The following ST14 variants were observed in gnomAD, a reference collection of about 807,000 sequenced individuals.
ST14 encodes the protein suppressor of tumorigenicity 14 protein.
In ST14, 40 loss-of-function variants were observed where a neutral mutation model predicts 96.5. That is an observed-to-expected ratio of 0.41 (90% CI 0.32 to 0.54). The LOEUF (loss-of-function observed/expected upper bound fraction) is 0.54. Ranked by LOEUF, ST14 falls within the 20% of genes least tolerant of loss-of-function variation. The probability of loss-of-function intolerance (pLI) is 0.17; values close to 1 mark genes in which losing one functional copy is unlikely to be tolerated. For synonymous variants in ST14, 506 were observed against 492.1 expected (o/e 1.03, Z -0.37); for missense variants, 1,066 against 1,188.9 (o/e 0.90, Z 1.52).
chr11:130,198,819 G>A (rs1953397323), intron 14 of ST14, 128 bp from the exon 15 acceptor site: 2 of 1,583,934 alleles, frequency 1.3e-6, no homozygotes, highest in Admixed American at 3.4e-5. Flanking sequence ...AGGCCAGTGG[G>A]CGTGGGTGGG....
chr11:130,201,746 G>C (rs1438712855), intron 16 of ST14, among the ~76,000 whole-genome samples: 1 of 152,228 alleles, frequency 6.6e-6, no homozygotes, highest in Non-Finnish European at 1.5e-5. Context: ...TGCCCAGCTA[G>C]TTTAAAATTT....
In ST14 at chr11:130,159,922, G is replaced by A; in HGVS notation, c.-58G>A. 8.9e-7 allele frequency: 1 copy of A among 1,123,572 alleles called. No homozygotes were observed. Among genetic ancestry groups the A allele is most frequent in the African/African-American group, 1.6e-5 (1 of 61,280 alleles). The allele number at this position is 1,123,572 out of a possible 1,614,324, so 69.6% of individuals were successfully genotyped here. A position where few individuals can be genotyped will look rare whatever the true frequency, so the allele number is the denominator to read the frequency against. On this transcript the variant is annotated 5_prime_UTR_variant, in exon 1 of 19. The change abolishes an upstream ATG in the 5' untranslated region. Coordinates refer to ENST00000278742, the MANE Select transcript of ST14 (RefSeq NM_021978.4). ...CCGCGCCCCGCGCCCTGCGGGCCAT[G>A]GGAGCCGGCCGCCGGCAGGGACGAC...
intron 1 of ST14, among the ~76,000 whole-genome samples, chr11:130,170,528 G>A (rs1276755900): frequency 2.6e-5 from 4 of 152,174 alleles, no homozygotes. Context: ...AGAAAGTACG[G>A]TGGCTTGTTG....
At chr11:130,163,197 C>A (rs1346870435) in intron 1 of ST14, among the ~76,000 whole-genome samples, 1 of 152,122 alleles carries the variant, frequency 6.6e-6, no homozygotes, top group African/African-American at 2.4e-5. Context: ...CACAGAGGAG[C>A]CATCCTGCCC....
chr11:130,167,304 T>G (rs536009220), intron 1 of ST14, among the ~76,000 whole-genome samples: 133 of 152,336 alleles, frequency 8.7e-4, no homozygotes, highest in African/African-American at 3.2e-3. Context: ...TAAAAAAATT[T>G]TTTTCCTCAT....
rs1406388667 is a variant in ST14, at chr11:130,191,670, ACAGAGC to A, written c.875+977_875+982del. ...GTACCACTACACTCCAGCCTGGGCA[ACAGAGC>A]GAGACTCTGTCTCAAAAAAAAAAAA... is the stretch of plus-strand genomic sequence containing the variant. On this transcript the variant is annotated intron_variant, in intron 7 of 18. Transcript: ENST00000278742. Among the ~76,000 whole-genome samples the A allele has an allele frequency of 5.2e-3, 751 of 143,832 alleles. 10 individuals carry two copies. Among genetic ancestry groups the A allele is most frequent in the African/African-American group, 0.018 (683 of 38,554 alleles). 94.4% of individuals were successfully genotyped at this position (143,832 alleles called of 152,430 possible).
intron 1 of ST14, among the ~76,000 whole-genome samples, chr11:130,184,489 C>T (rs970327531): frequency 6.6e-6 from 1 of 152,220 alleles, no homozygotes; most frequent in Non-Finnish European, 1.5e-5. Context: ...TCTCACCATT[C>T]ACTGAGCCCT....
Position 130,188,913 on chromosome 11 carries a change from C to T in ST14, c.414C>T (p.His138=). Residue 138 remains histidine, a synonymous_variant, in exon 4 of 19, where the codon CAC becomes CAT. Transcript: ENST00000278742. The surrounding 1 kb of genome is among the most constrained non-coding windows in gnomAD (Gnocchi z 5.4). The part of the protein sequence containing the change: ...YSGVPFLGPY[H]KESAVTAFSE... ...GAGTCCCATTCCTGGGCCCCTACCACAAGGAGTCGGCTGTGACGGCCTTCA... is the reference window on the plus strand; with the variant it reads ...GAGTCCCATTCCTGGGCCCCTACCATAAGGAGTCGGCTGTGACGGCCTTCA... 1.2e-6 allele frequency: 2 copies of T among 1,612,274 alleles called. No homozygotes were observed. The highest frequency in any genetic ancestry group is 1.7e-6 in the Non-Finnish European group (2 of 1,179,428).
rs145182887 is a variant in ST14 at position 130,197,919 on chromosome 11, C to T, written c.1433C>T (p.Thr478Ile). 76 of 1,593,532 alleles carry T rather than the reference C, an allele frequency of 4.8e-5. 1 individual carries two copies. In the African/African-American group the frequency reaches 7.5e-4, roughly 16 times the overall value. The change falls in exon 12 of 19, where the codon ACC (threonine) becomes ATC (isoleucine). Residue 478 changes from threonine (T) to isoleucine (I), a missense_variant. By Grantham distance (89) the Thr-to-Ile change is moderately conservative (BLOSUM62 -1). Coordinates refer to ENST00000278742, the MANE Select transcript of ST14 (RefSeq NM_021978.4). ...ELRCDGWADC[T>I]DHSDELNCSC... ...CGCTGTGATGGCTGGGCCGACTGCA[C>T]CGACCACAGCGATGAGCTCAACTGC... is the stretch of plus-strand genomic sequence containing the variant.
intron 1 of ST14, among the ~76,000 whole-genome samples, chr11:130,179,838 G>A (rs1953174153): frequency 6.6e-6 from 1 of 152,178 alleles, no homozygotes; most frequent in Non-Finnish European, 1.5e-5. Flanking sequence ...GGGAAATCTG[G>A]CCAGGATCCA....
At chr11:130,192,799 T>G (rs1953317595) in intron 7 of ST14, among the ~76,000 whole-genome samples, 1 of 152,198 alleles carries the variant, frequency 6.6e-6, no homozygotes, top group African/African-American at 2.4e-5. Context: ...TGAAGTATAT[T>G]ATGATGGTCT....
intron 16 of ST14, among the ~76,000 whole-genome samples, chr11:130,205,698 C>CTT (rs1565629180): frequency 8.3e-5 from 10 of 120,826 alleles, no homozygotes; most frequent in African/African-American, 2.7e-4. Context: ...CTTCTTTAGA[C>CTT]GTTTTTTTTT....
chr11:130,190,696 T>A lies in ST14; in HGVS notation c.875+2T>A, dbSNP rs755380164. ...CATGGAGCCCCACGCCCTGGTGCAG[T>A]GAGTACCCCGGGGGGCGGGTAGGGC... On this transcript the variant is annotated splice_donor_variant, in intron 7 of 18. Coordinates refer to ENST00000278742, the MANE Select transcript of ST14 (RefSeq NM_021978.4). LOFTEE classifies it high-confidence loss of function. 6.3e-7 allele frequency: 1 copy of A among 1,577,180 alleles called. No homozygotes were observed. The highest frequency in any genetic ancestry group is 1.8e-5 in the Admixed American group (1 of 54,738).
rs779340514 is a variant in ST14 at position 130,198,618 on chromosome 11, A to G, written c.1681A>G (p.Lys561Glu). The G allele has an allele frequency of 6.2e-7, 1 of 1,612,814 alleles. No individual in the cohort carries two copies. The highest frequency in any genetic ancestry group is 8.5e-7 in the Non-Finnish European group (1 of 1,179,258). ...CGGGTCCGACGAGGCCTCCTGCCCC[A>G]AGGGTGAGGCCCGCCCCACCCATCT... ...GDGSDEASCPKVNVVTCTKHT... is the reference protein window; with the variant it reads ...GDGSDEASCPEVNVVTCTKHT... Residue 561 changes from lysine (K) to glutamate (E), a missense_variant, in exon 14 of 19, where the codon AAG becomes GAG. Transcript: ENST00000278742.
chr11:130,201,450 G>A (rs59506387), intron 16 of ST14, among the ~76,000 whole-genome samples: 4,844 of 152,348 alleles, frequency 0.032, 257 homozygotes, highest in African/African-American at 0.11. Context: ...CAGGAGGGAG[G>A]CCTGAGGCAC....
chr11:130,186,087 C>T (rs1398805721), intron 1 of ST14, among the ~76,000 whole-genome samples: 7 of 152,094 alleles, frequency 4.6e-5, no homozygotes, highest in African/African-American at 7.2e-5. Flanking sequence ...GGATTATAGG[C>T]GTGAGCCACT....
At chr11:130,180,053 T>G (rs902949027) in intron 1 of ST14, among the ~76,000 whole-genome samples, 21 of 152,322 alleles carry the variant, frequency 1.4e-4, no homozygotes, top group African/African-American at 4.8e-4. Context: ...GTGGGGGTGA[T>G]GACATCATGG....
chr11:130,169,518 C>T (rs73585179), intron 1 of ST14, among the ~76,000 whole-genome samples: 6,837 of 152,172 alleles, frequency 0.045, 481 homozygotes, highest in African/African-American at 0.15. Flanking sequence ...TGGGCATCCT[C>T]GTGTTGGAGC....
chr11:130,169,092 G>GTTTTTT (rs59747710), intron 1 of ST14, among the ~76,000 whole-genome samples: 6 of 112,320 alleles, frequency 5.3e-5, no homozygotes, highest in African/African-American at 8.4e-5. Flanking sequence ...AATATAATGG[G>GTTTTTT]TTTTTTTTTT....
Sources: gnomAD v4.1 joint callset for allele counts (sites outside exome capture counted in the v4.1 genomes callset) on GRCh38, gnomAD v4.1.1 for gene constraint, Gnocchi (gnomAD v3.1) non-coding constraint, MANE v1.5 for transcripts, NCBI Gene and HGNC (gene_info 2026-07-23, HGNC 2026-07-21) for gene names.